The following PID1 variants were observed in gnomAD, a reference collection of about 807,000 sequenced individuals.
PID1 encodes the protein phosphotyrosine interaction domain containing 1.
PID1 carries 10 observed loss-of-function variants against 19.1 expected under a neutral mutation model. That is an observed-to-expected ratio of 0.52 (90% CI 0.32 to 0.89). The LOEUF (loss-of-function observed/expected upper bound fraction) is 0.89. Among genes scored for constraint, PID1 ranks in the 40% least tolerant of loss-of-function variants. The probability of loss-of-function intolerance (pLI) is 0.03; values close to 1 mark genes in which losing one functional copy is unlikely to be tolerated. For missense variants in PID1, 248 were observed against 285.3 expected, an observed-to-expected ratio of 0.87 and a Z score of 0.94; for synonymous variants, 130 against 116.0, an observed-to-expected ratio of 1.12 and a Z score of -0.78.
intron 1 of PID1, among the ~76,000 whole-genome samples, chr2:229,192,716 TTTAAA>T (rs1461358552): frequency 1.3e-5 from 2 of 152,172 alleles, no homozygotes; most frequent in African/African-American, 2.4e-5. Context: ...TGATGTGGTG[TTTAAA>T]TTAGATAATG....
intron 2 of PID1, among the ~76,000 whole-genome samples, chr2:229,140,932 G>C (rs559737045): frequency 6.6e-6 from 1 of 151,906 alleles, no homozygotes; most frequent in Non-Finnish European, 1.5e-5. Flanking sequence ...AAAATGAGTA[G>C]GGTTCCTAGT....
chr2:229,094,815 C>G (rs80296857), intron 2 of PID1, among the ~76,000 whole-genome samples: 1 of 151,566 alleles, frequency 6.6e-6, no homozygotes. Context: ...CTGACAAAGG[C>G]CTAATATCTA....
intron 2 of PID1, among the ~76,000 whole-genome samples, chr2:229,137,465 C>T (rs975295577): frequency 1.3e-5 from 2 of 152,170 alleles, no homozygotes; most frequent in African/African-American, 2.4e-5. Flanking sequence ...ATAGGACTAG[C>T]GTTTAATACT....
At chr2:229,236,987 T>TAC (rs201772514) in intron 1 of PID1, among the ~76,000 whole-genome samples, 36,648 of 107,382 alleles carry the variant, frequency 0.34, 4,518 homozygotes, top group East Asian at 0.44. Flanking sequence ...TACACACACA[T>TAC]ACACACACAC....
intron 2 of PID1, among the ~76,000 whole-genome samples, chr2:229,095,710 C>T (rs1694959875): frequency 6.6e-6 from 1 of 152,064 alleles, no homozygotes; most frequent in African/African-American, 2.4e-5. Context: ...CATGCTGTAC[C>T]CAACATTTGT....
At chr2:229,065,433 A>G (rs1004184266) in intron 2 of PID1, among the ~76,000 whole-genome samples, 2 of 152,132 alleles carry the variant, frequency 1.3e-5, no homozygotes, top group African/African-American at 4.8e-5. Context: ...TGTTGGCTTC[A>G]TTGTCTGCTG....
rs561211421 is a variant in PID1 at position 229,226,684 on chromosome 2, T to C, written c.30+44330A>G. Among the ~76,000 whole-genome samples the C allele has an allele frequency of 1.1e-4, 16 of 152,334 alleles. No homozygotes were observed. The South Asian group carries it at 3.3e-3, about 32-fold the overall frequency. On this transcript the variant is annotated intron_variant, in intron 1 of 2. Transcript: ENST00000392055. ...GGAAATCAGAGCCTGGAAGGACTCGTGATACTGAAAGTTCCCTGATCTCCT... is the reference window on the plus strand; with the variant it reads ...GGAAATCAGAGCCTGGAAGGACTCGCGATACTGAAAGTTCCCTGATCTCCT...
chr2:229,112,674 G>A (rs538875839), intron 2 of PID1, among the ~76,000 whole-genome samples: 2 of 151,942 alleles, frequency 1.3e-5, no homozygotes, highest in Non-Finnish European at 2.9e-5. Context: ...TAGTAGACAC[G>A]GGGTTTCACC....
chr2:229,100,204 A>G (rs867019188), intron 2 of PID1, among the ~76,000 whole-genome samples: 2 of 152,208 alleles, frequency 1.3e-5, no homozygotes, highest in Non-Finnish European at 2.9e-5. Flanking sequence ...AAGCCGCTCC[A>G]TCTATGGAAT....
chr2:229,090,640 T>C (rs1382476675), intron 2 of PID1, among the ~76,000 whole-genome samples: 1 of 152,218 alleles, frequency 6.6e-6, no homozygotes, highest in Admixed American at 6.5e-5. Flanking sequence ...TTATATCCCA[T>C]AGTTTTTGTT....
intron 1 of PID1, among the ~76,000 whole-genome samples, chr2:229,210,399 G>C (rs533709898): frequency 1.6e-5 from 2 of 121,350 alleles, no homozygotes; most frequent in Non-Finnish European, 3.7e-5. Context: ...TGTAGTCCCA[G>C]CTACTGGGGA....
chr2:229,067,688 T>C (rs966788572), intron 2 of PID1, among the ~76,000 whole-genome samples: 3 of 152,168 alleles, frequency 2.0e-5, no homozygotes, highest in Non-Finnish European at 4.4e-5. Flanking sequence ...CCTCCCCCGA[T>C]AGGATAATGT....
chr2:229,247,425 C>A (rs1690031343), intron 1 of PID1, among the ~76,000 whole-genome samples: 1 of 152,156 alleles, frequency 6.6e-6, no homozygotes, highest in African/African-American at 2.4e-5. Flanking sequence ...ATGCATGCAT[C>A]CTGCCTGTAA....
At chr2:229,217,533 G>A (rs1188505506) in intron 1 of PID1, among the ~76,000 whole-genome samples, 2 of 152,154 alleles carry the variant, frequency 1.3e-5, no homozygotes, top group Non-Finnish European at 2.9e-5. Flanking sequence ...CTGTAGACAG[G>A]GAGGATGCTA....
intron 1 of PID1, among the ~76,000 whole-genome samples, chr2:229,164,875 C>G (rs911168262): frequency 6.6e-6 from 1 of 152,152 alleles, no homozygotes; most frequent in South Asian, 2.1e-4. Context: ...GAGAACTTCA[C>G]AGAGAGAGAA....
chr2:229,062,396 T>C (rs1429829288), intron 2 of PID1, among the ~76,000 whole-genome samples: 4 of 152,018 alleles, frequency 2.6e-5, no homozygotes, highest in Non-Finnish European at 5.9e-5. Flanking sequence ...ATTTATTGAT[T>C]TGTGTATGTT....
chr2:229,034,975 C>A (rs544753742), intron 2 of PID1, among the ~76,000 whole-genome samples: 1 of 152,000 alleles, frequency 6.6e-6, no homozygotes, highest in Non-Finnish European at 1.5e-5. Flanking sequence ...AGCTCTTGGG[C>A]CCATGTCTCC....
chr2:229,083,341 C>A (rs1248591890), intron 2 of PID1, among the ~76,000 whole-genome samples: 1 of 152,200 alleles, frequency 6.6e-6, no homozygotes, highest in Admixed American at 6.5e-5. Context: ...TAAAAAACTA[C>A]TTGGCCGTGC....
At chr2:229,093,217 G>T (rs116365238) in intron 2 of PID1, among the ~76,000 whole-genome samples, 2 of 149,458 alleles carry the variant, frequency 1.3e-5, no homozygotes, top group African/African-American at 2.5e-5. Context: ...CTCCACCTCC[G>T]GGTTCAAGTG....
Sources: gnomAD v4.1 joint callset for allele counts (sites outside exome capture counted in the v4.1 genomes callset) on GRCh38, gnomAD v4.1.1 for gene constraint, MANE v1.5 for transcripts, NCBI Gene and HGNC (gene_info 2026-07-23, HGNC 2026-07-21) for gene names.